The following DENND4C variants were observed in gnomAD, a reference collection of about 807,000 sequenced individuals.
DENND4C encodes DENN domain containing 4C.
A neutral mutation model predicts 203.0 loss-of-function variants in DENND4C; 108 were observed. That is an observed-to-expected ratio of 0.53 (90% CI 0.46 to 0.62). The LOEUF is 0.62. DENND4C is among the 20% of genes least tolerant of loss of function. The pLI is 0.00. For synonymous variants in DENND4C, 871 were observed against 792.4 expected (o/e 1.10, Z -1.67); for missense variants, 2,481 against 2,301.2 (o/e 1.08, Z -1.60).
At chr9:19,342,054 G>A (rs1425449637) in intron 21 of DENND4C, among the ~76,000 whole-genome samples, 2 of 148,112 alleles carry the variant, frequency 1.4e-5, no homozygotes, top group Non-Finnish European at 3.0e-5. Context: ...AACCTGGGAA[G>A]CGAAAGTTGC....
intron 23 of DENND4C, 45 bp downstream of exon 23, chr9:19,347,131 T>C (rs780859226): frequency 4.7e-6 from 7 of 1,497,786 alleles, no homozygotes; most frequent in Non-Finnish European, 5.5e-6. Context: ...TTGGAGTGTT[T>C]ATAGTATCTT....
intron 22 of DENND4C, among the ~76,000 whole-genome samples, chr9:19,344,081 C>G (rs972306834): frequency 6.6e-6 from 1 of 152,128 alleles, no homozygotes; most frequent in Admixed American, 6.5e-5. Flanking sequence ...ATATGATTAT[C>G]AGTACTAACT....
chr9:19,288,883 C>A lies in DENND4C; in HGVS notation c.628+218C>A, dbSNP rs76805516. Among the ~76,000 whole-genome samples, 818 of 152,256 alleles carry A rather than the reference C, an allele frequency of 5.4e-3. 5 individuals carry two copies. Among genetic ancestry groups the A allele is most frequent in the Non-Finnish European group, 8.3e-3 (562 of 68,012 alleles). On this transcript the variant is annotated intron_variant, in intron 4 of 32. Coordinates refer to ENST00000434457, the MANE Select transcript of DENND4C (RefSeq NM_001330640.2). ...AAACATGCTGTTAATTTAATTTAAA[C>A]ATTTATCTAAAGCAAACATATGTGG...
intron 10 of DENND4C, 142 bp downstream of exon 10, chr9:19,305,669 G>A (rs1839509257): frequency 5.4e-6 from 4 of 746,252 alleles, no homozygotes; most frequent in Admixed American, 3.0e-5. Context: ...AACCAGGGCA[G>A]GTATCAGAAT....
intron 16 of DENND4C, among the ~76,000 whole-genome samples, chr9:19,329,468 A>G (rs1818596318): frequency 6.6e-6 from 1 of 152,222 alleles, no homozygotes; most frequent in Non-Finnish European, 1.5e-5. Flanking sequence ...ACATGTGGAT[A>G]CTTCCTACTT....
intron 16 of DENND4C, among the ~76,000 whole-genome samples, chr9:19,331,722 C>G (rs1326558399): frequency 6.6e-6 from 1 of 152,160 alleles, no homozygotes; most frequent in Non-Finnish European, 1.5e-5. Context: ...GATCTTTGCT[C>G]TTAATTTCTA....
chr9:19,281,771 T>A (rs1381891446), intron 2 of DENND4C, among the ~76,000 whole-genome samples: 1 of 152,248 alleles, frequency 6.6e-6, no homozygotes, highest in Non-Finnish European at 1.5e-5. Flanking sequence ...CTAGGTGGCA[T>A]AGCTTACTAC....
intron 20 of DENND4C, chr9:19,337,801 ATGTAATCATATATAG>A: frequency 2.4e-6 from 1 of 412,776 alleles, no homozygotes; most frequent in East Asian, 7.6e-5. Context: ...CTTCAGATAA[ATGTAATCATATATAG>A]ACTCTTGAAA....
Position 19,322,048 on chromosome 9 carries a change from G to A in DENND4C, c.1808-2314G>A, listed in dbSNP as rs964364227. 3.9e-5 allele frequency among the ~76,000 whole-genome samples: 6 copies of A among 152,128 alleles called. No individual in the cohort carries two copies. The East Asian group carries it at 1.2e-3, about 29-fold the overall frequency. On this transcript the variant is annotated intron_variant, in intron 12 of 32. Coordinates refer to ENST00000434457, the MANE Select transcript of DENND4C (RefSeq NM_001330640.2). ...GTACATAGTTTCTATTTAATGATCT[G>A]CATTTTCATTGCACTGAAGTATGCT...
In DENND4C at chr9:19,276,254, A is replaced by G; in HGVS notation, c.80A>G (p.Gln27Arg). 8.1e-7 allele frequency: 1 copy of G among 1,232,120 alleles called. No individual in the cohort carries two copies. The highest frequency in any genetic ancestry group is 1.0e-6 in the Non-Finnish European group (1 of 987,906). The allele number at this position is 1,232,120 out of a possible 1,614,324, so 76.3% of individuals were successfully genotyped here. Residue 27 changes from glutamine to arginine, a missense_variant, in exon 2 of 33, where the codon CAA (glutamine) becomes CGA (arginine). By Grantham distance (43) the Gln-to-Arg change is conservative (BLOSUM62 1). Transcript: ENST00000434457. ...GLTDTSTLLD[Q>R]EINRLDTKST... Reference sequence around the variant, plus strand: ...ACTGACACATCTACTCTTTTGGATCAAGAAATAAATCGTTTAGATACTAAG... The same window carrying G: ...ACTGACACATCTACTCTTTTGGATCGAGAAATAAATCGTTTAGATACTAAG...
At chr9:19,321,548 GA>G (rs1451015835) in intron 12 of DENND4C, among the ~76,000 whole-genome samples, 4 of 151,692 alleles carry the variant, frequency 2.6e-5, no homozygotes, top group African/African-American at 9.7e-5. Flanking sequence ...ATGCTGATGA[GA>G]AATAGCTAAT....
chr9:19,238,722 C>T (rs1278288669), intron 1 of DENND4C, among the ~76,000 whole-genome samples: 11 of 138,396 alleles, frequency 7.9e-5, no homozygotes, highest in South Asian at 2.6e-4. Context: ...GATGTGATCT[C>T]GGCTCACTGC....
chr9:19,305,699 T>TG (rs1177484797), intron 10 of DENND4C, among the ~76,000 whole-genome samples, 172 bp downstream of exon 10: 1 of 152,034 alleles, frequency 6.6e-6, no homozygotes, highest in Admixed American at 6.6e-5. Flanking sequence ...CTGTGTGATT[T>TG]GGGAAAAAAA....
At chr9:19,247,098 T>A (rs1405987780) in intron 1 of DENND4C, among the ~76,000 whole-genome samples, 4 of 152,196 alleles carry the variant, frequency 2.6e-5, no homozygotes, top group Non-Finnish European at 1.5e-5. Context: ...ATTGATCAGT[T>A]CCTGTTTTAT....
rs1554717864 is a variant in DENND4C at position 19,282,715 on chromosome 9, C to CTTTTTTTTTTTTT, written c.306-4047_306-4035dup. Among the ~76,000 whole-genome samples, 7 of 86,666 alleles carry CTTTTTTTTTTTTT rather than the reference C, an allele frequency of 8.1e-5. 1 individual carries two copies. The highest frequency in any genetic ancestry group is 3.1e-4 in the African/African-American group (7 of 22,630). The allele number at this position is 86,666 out of a possible 152,430, so 56.9% of individuals were successfully genotyped here. A position where few individuals can be genotyped will look rare whatever the true frequency, so the allele number is the denominator to read the frequency against. On this transcript the variant is annotated intron_variant, in intron 2 of 32. Transcript: ENST00000434457. ...TTTTCTTTTTCTTTTTTTCTTCTCT[C>CTTTTTTTTTTTTT]TTTTTTTTTTTTTTTTTTTGAGACA...
Position 19,305,334 on chromosome 9 carries a change from T to A in DENND4C, c.1312-18T>A. On this transcript the variant is annotated intron_variant, in intron 9 of 32. Coordinates refer to ENST00000434457, the MANE Select transcript of DENND4C (RefSeq NM_001330640.2). ...GCAAATTTAAAATTTGGTTAATTTT[T>A]TAAAACTTTTTCCCCAGATGATCTT... 6.4e-7 allele frequency: 1 copy of A among 1,574,144 alleles called. No homozygotes were observed. The highest frequency in any genetic ancestry group is 1.2e-5 in the South Asian group (1 of 85,068).
At chr9:19,334,048 A>T (rs1819870766) in intron 17 of DENND4C, among the ~76,000 whole-genome samples, 1 of 151,868 alleles carries the variant, frequency 6.6e-6, no homozygotes, top group Non-Finnish European at 1.5e-5. Context: ...ATATTTATTT[A>T]TTTATTTTTT....
chr9:19,234,530 G>GTTTT (rs34232597), intron 1 of DENND4C, among the ~76,000 whole-genome samples: 23 of 104,408 alleles, frequency 2.2e-4, no homozygotes, highest in African/African-American at 4.4e-4. Context: ...GCACCTGGCT[G>GTTTT]TTTTTTTTTT....
intron 1 of DENND4C, among the ~76,000 whole-genome samples, chr9:19,261,594 C>CT (rs1259823950): frequency 1.2e-4 from 18 of 151,826 alleles, no homozygotes; most frequent in Middle Eastern, 3.2e-3. Context: ...TCTTGACCTC[C>CT]TAGGCTCAAG....
Sources: allele counts gnomAD v4.1 joint callset (sites outside exome capture counted in the v4.1 genomes callset), GRCh38; gene constraint gnomAD v4.1.1; transcripts MANE v1.5; gene names NCBI Gene and HGNC (gene_info 2026-07-23, HGNC 2026-07-21).